Variants in PTPRT observed in about 807,000 individuals in gnomAD.
PTPRT encodes receptor-type tyrosine-protein phosphatase T.
PTPRT carries 56 observed loss-of-function variants against 176.8 expected under a neutral mutation model. That is an observed-to-expected ratio of 0.32 (90% CI 0.26 to 0.40). The LOEUF (loss-of-function observed/expected upper bound fraction) is 0.40, where lower values mean the gene tolerates loss of function less well. PTPRT is among the 10% of genes least tolerant of loss of function. PTPRT has a pLI of 1.00. For synonymous variants in PTPRT, 783 were observed against 739.0 expected (o/e 1.06, Z -0.96); for missense variants, 1,540 against 1,908.2 (o/e 0.81, Z 3.60).
intron 1 of PTPRT, among the ~76,000 whole-genome samples, chr20:43,125,447 C>A (rs2013404988): frequency 1.3e-5 from 2 of 152,034 alleles, no homozygotes; most frequent in South Asian, 4.2e-4. Context: ...TTAATAAGCT[C>A]CCCCCATGTA....
At chr20:42,608,220 C>T (rs1555162) in intron 7 of PTPRT, among the ~76,000 whole-genome samples, 32,881 of 152,104 alleles carry the variant, frequency 0.22, 4,282 homozygotes, top group African/African-American at 0.37. Flanking sequence ...GTGCCTCATG[C>T]ATCATGGGCA....
chr20:42,907,390 C>T (rs1353347934), intron 1 of PTPRT, among the ~76,000 whole-genome samples: 1 of 152,050 alleles, frequency 6.6e-6, no homozygotes, highest in Non-Finnish European at 1.5e-5. Context: ...ATCAGTGTAT[C>T]AAACCCTCCA....
At chr20:42,311,483 A>G (rs920284083) in intron 12 of PTPRT, among the ~76,000 whole-genome samples, 2 of 152,168 alleles carry the variant, frequency 1.3e-5, no homozygotes, top group African/African-American at 4.8e-5. Flanking sequence ...GAGCAATGAA[A>G]TTTGCTGATA....
intron 1 of PTPRT, among the ~76,000 whole-genome samples, chr20:43,162,608 G>A (rs1332751748): frequency 6.6e-6 from 1 of 152,204 alleles, no homozygotes; most frequent in Non-Finnish European, 1.5e-5. Context: ...TGAAGACAAA[G>A]AATGGAAGGT....
chr20:42,809,677 C>T (rs1306234752), intron 2 of PTPRT, among the ~76,000 whole-genome samples: 1 of 152,114 alleles, frequency 6.6e-6, no homozygotes, highest in Non-Finnish European at 1.5e-5. Flanking sequence ...GTGTCTGGTG[C>T]TCCCTGAGGT....
At position 42,791,400 on chromosome 20, in the gene PTPRT, G is replaced by A. The variant is rs2145549904; in HGVS notation, c.281C>T (p.Thr94Ile). 6.2e-7 allele frequency: 1 copy of A among 1,614,136 alleles called. No homozygotes were observed. The highest frequency in any genetic ancestry group is 8.5e-7 in the Non-Finnish European group (1 of 1,179,972). ...GCAGTGGGTGTCATTCTCCTTCAGG[G>A]TTGGCAGGAGAAGGTGGGCCTTCTG... Reference protein sequence around the residue: ...SGQKAHLLLPTLKENDTHCID... With the variant: ...SGQKAHLLLPILKENDTHCID... The change falls in exon 3 of 31, where the codon ACC becomes ATC. Residue 94 changes from threonine (T) to isoleucine (I), a missense_variant. Transcript: ENST00000373187.
At chr20:42,818,655 T>TAAA (rs1437346128) in intron 2 of PTPRT, among the ~76,000 whole-genome samples, 1 of 152,094 alleles carries the variant, frequency 6.6e-6, no homozygotes, top group Admixed American at 6.6e-5. Flanking sequence ...CTAACTAGAA[T>TAAA]AACCAGTTTA....
intron 7 of PTPRT, among the ~76,000 whole-genome samples, chr20:42,612,501 C>T (rs2073992319): frequency 6.6e-6 from 1 of 152,138 alleles, no homozygotes; most frequent in South Asian, 2.1e-4. Flanking sequence ...TTCCATGCAG[C>T]CATTTCTGAA....
At chr20:42,609,909 C>A (rs1190936241) in intron 7 of PTPRT, among the ~76,000 whole-genome samples, 1 of 152,154 alleles carries the variant, frequency 6.6e-6, no homozygotes, top group Non-Finnish European at 1.5e-5. Context: ...TATGCAGATC[C>A]CAGTGACATG....
chr20:42,652,323 AC>A (rs369851750), intron 7 of PTPRT, among the ~76,000 whole-genome samples: 5 of 151,912 alleles, frequency 3.3e-5, no homozygotes, highest in African/African-American at 1.2e-4. Context: ...ATTTAACAGA[AC>A]CTCCTTGAGT....
chr20:42,658,665 T>G (rs1161798475), intron 7 of PTPRT, among the ~76,000 whole-genome samples: 1 of 152,172 alleles, frequency 6.6e-6, no homozygotes, highest in Non-Finnish European at 1.5e-5. Flanking sequence ...AAATAAATTT[T>G]AGTGAGTAGA....
intron 1 of PTPRT, among the ~76,000 whole-genome samples, chr20:42,959,612 C>G (rs910395297): frequency 1.3e-5 from 2 of 152,158 alleles, no homozygotes; most frequent in Non-Finnish European, 2.9e-5. Flanking sequence ...AAATCCAGCA[C>G]AGGTGGGACA....
intron 7 of PTPRT, among the ~76,000 whole-genome samples, chr20:42,504,083 T>G (rs1349775911): frequency 6.6e-6 from 1 of 152,134 alleles, no homozygotes; most frequent in African/African-American, 2.4e-5. Context: ...ATCTTTTCCA[T>G]CCAGAATATA....
At chr20:42,193,899 G>T (rs1325121850) in intron 16 of PTPRT, among the ~76,000 whole-genome samples, 2 of 151,900 alleles carry the variant, frequency 1.3e-5, no homozygotes, top group Non-Finnish European at 2.9e-5. Flanking sequence ...TCTTTTATTG[G>T]ATATATCCCC....
At chr20:43,022,360 A>C (rs1294416177) in intron 1 of PTPRT, among the ~76,000 whole-genome samples, 2 of 152,182 alleles carry the variant, frequency 1.3e-5, no homozygotes, top group South Asian at 2.1e-4. Context: ...CAACACAAGG[A>C]AGGCAAATTA....
intron 2 of PTPRT, among the ~76,000 whole-genome samples, chr20:42,854,671 G>C (rs1229430124): frequency 6.6e-6 from 1 of 152,176 alleles, no homozygotes; most frequent in Non-Finnish European, 1.5e-5. Flanking sequence ...CAATCACTGG[G>C]GGAAAAAATT....
At chr20:43,112,979 G>T (rs193053680) in intron 1 of PTPRT, among the ~76,000 whole-genome samples, 1 of 151,754 alleles carries the variant, frequency 6.6e-6, no homozygotes, top group African/African-American at 2.4e-5. Context: ...TGATATAAAC[G>T]TGTCTCCTGG....
intron 30 of PTPRT, among the ~76,000 whole-genome samples, chr20:42,081,450 G>A (rs1804418424): frequency 6.6e-6 from 1 of 152,000 alleles, no homozygotes; most frequent in South Asian, 2.1e-4. Flanking sequence ...TATCACCCGG[G>A]GCTCTGCCCA....
At chr20:42,594,330 C>A (rs2073631700) in intron 7 of PTPRT, among the ~76,000 whole-genome samples, 1 of 152,058 alleles carries the variant, frequency 6.6e-6, no homozygotes, top group South Asian at 2.1e-4. Flanking sequence ...TGAAAAAAAA[C>A]CCTCTTTCTG....
Sources: allele counts gnomAD v4.1 joint callset (sites outside exome capture counted in the v4.1 genomes callset), GRCh38; gene constraint gnomAD v4.1.1; transcripts MANE v1.5; gene names NCBI Gene and HGNC (gene_info 2026-07-23, HGNC 2026-07-21).